PFKL: variants seen among roughly 807,000 people sequenced by gnomAD.
The protein encoded by PFKL is phosphofructokinase, liver type, also known as ATP-dependent 6-phosphofructokinase, liver type.
A neutral mutation model predicts 92.1 loss-of-function variants in PFKL; 74 were observed. The ratio of observed to expected loss-of-function variants is 0.80; its 90% CI spans 0.67 to 0.97. The LOEUF (loss-of-function observed/expected upper bound fraction) is 0.97, where lower values mean the gene tolerates loss of function less well. PFKL is among the 50% of genes least tolerant of loss of function. The probability of loss-of-function intolerance (pLI) is 0.00; values close to 1 mark genes in which losing one functional copy is unlikely to be tolerated. For missense variants in PFKL, 1,028 were observed against 1,116.6 expected (o/e 0.92, Z 1.13); for synonymous variants, 494 against 456.4 (o/e 1.08, Z -1.05).
chr21:44,314,305 G>A, intron 7 of PFKL: 1 of 432,458 alleles, frequency 2.3e-6, no homozygotes, highest in Non-Finnish European at 4.2e-6. Context: ...GCTTGGTGAG[G>A]CTGCTTACTG....
rs544026719 is a variant in PFKL at position 44,324,726 on chromosome 21, G to A, written c.1815+71G>A. 55 of 1,558,308 alleles carry A rather than the reference G, an allele frequency of 3.5e-5. No individual in the cohort carries two copies. The East Asian group carries it at 5.6e-4, about 16-fold the overall frequency. ...AGCCTGGGCCCCAGACACTCAGGCC[G>A]GCCAGCGCAGGGCAGGGCCCGGGCA... On this transcript the variant is annotated intron_variant, in intron 17 of 21. Coordinates refer to ENST00000349048, the MANE Select transcript of PFKL (RefSeq NM_002626.6).
intron 3 of PFKL, 129 bp downstream of exon 3, chr21:44,311,212 A>T: frequency 1.5e-6 from 1 of 679,848 alleles, no homozygotes; most frequent in Non-Finnish European, 2.5e-6. Context: ...AGACACACAG[A>T]CATGCACACA....
chr21:44,306,610 C>G (rs2040951573), intron 1 of PFKL, 71 bp from the exon 2 acceptor site: 1 of 1,382,252 alleles, frequency 7.2e-7, no homozygotes, highest in African/African-American at 1.6e-5. Flanking sequence ...CCCCTGTCCT[C>G]TGAGATGGGG....
chr21:44,318,438 G>T, intron 9 of PFKL, 32 bp from the exon 10 acceptor site: 1 of 1,464,616 alleles, frequency 6.8e-7, no homozygotes. Context: ...GAGGGACCAA[G>T]TGGGTGTGCC....
chr21:44,316,459 AC>A lies in PFKL; in HGVS notation c.874del (p.Arg292ValfsTer2). On this transcript the variant is annotated frameshift_variant, in exon 9 of 22. Coordinates refer to ENST00000349048, the MANE Select transcript of PFKL (RefSeq NM_002626.6). LOFTEE classifies it high-confidence loss of function. The stretch of plus-strand genomic sequence containing the variant: ...GGTGGTTCAGAGGCTGGGCTTCGAC[AC>A]CCGTGTAACTGTGCTGGGCCACGTG... ...DLVVQRLGFD[T>X]RVTVLGHVQR... 1 of 1,611,336 alleles carries A rather than the reference AC, an allele frequency of 6.2e-7. No homozygotes were observed. Among genetic ancestry groups the A allele is most frequent in the Non-Finnish European group, 8.5e-7 (1 of 1,178,730 alleles).
intron 1 of PFKL, among the ~76,000 whole-genome samples, chr21:44,300,483 G>A (rs1264572635): frequency 1.3e-5 from 2 of 152,194 alleles, no homozygotes; most frequent in Non-Finnish European, 2.9e-5. Context: ...ACCTCCCGAG[G>A]AGTCCCCGAG....
In PFKL at chr21:44,312,286, T is replaced by G. The variant is rs1330136051; in HGVS notation, c.419T>G (p.Val140Gly). 8.8e-6 allele frequency: 14 copies of G among 1,589,352 alleles called. No individual in the cohort carries two copies. The highest frequency in any genetic ancestry group is 1.1e-5 in the Non-Finnish European group (13 of 1,170,208). ...TGGGGCAGCCTGCTGGAGGAGCTGG[T>G]GGCGGAAGGTGGGTCTGTGCCCGGC... is the stretch of plus-strand genomic sequence containing the variant. ...SEWGSLLEEL[V>G]AEGKISETTA... The change falls in exon 4 of 22, where the codon GTG (valine) becomes GGG (glycine). Residue 140 changes from valine (V) to glycine (G), a missense_variant. Val to Gly is a moderately radical substitution (Grantham distance 109, BLOSUM62 -3). Coordinates refer to ENST00000349048, the MANE Select transcript of PFKL (RefSeq NM_002626.6).
intron 1 of PFKL, among the ~76,000 whole-genome samples, chr21:44,300,667 G>T (rs1337875032): frequency 6.6e-6 from 1 of 152,250 alleles, no homozygotes; most frequent in Non-Finnish European, 1.5e-5. Flanking sequence ...CTCCTCCTCG[G>T]GGCCCTCGCG....
chr21:44,325,961 G>C lies in PFKL; in HGVS notation c.1990G>C (p.Gly664Arg). Reference protein sequence around the residue: ...RTNVLGHLQQGGAPTPFDRNY... With the variant: ...RTNVLGHLQQRGAPTPFDRNY... ...GGAACCGGGCCTCACCTGTTTCCAG[G>C]GTGGCGCTCCAACCCCCTTTGACCG... Residue 664 changes from glycine to arginine, a missense_variant and splice_region_variant, in exon 20 of 22, where the codon GGT (glycine) becomes CGT (arginine). Physicochemically the swap from Gly to Arg is moderately radical, Grantham distance 125. Coordinates refer to ENST00000349048, the MANE Select transcript of PFKL (RefSeq NM_002626.6). 1.2e-6 allele frequency: 2 copies of C among 1,612,504 alleles called. No individual in the cohort carries two copies. The highest frequency in any genetic ancestry group is 1.7e-6 in the Non-Finnish European group (2 of 1,179,302).
At position 44,322,336 on chromosome 21, in the gene PFKL, C is replaced by T. The variant is rs1327977215; in HGVS notation, c.1409+133C>T. 4.9e-6 allele frequency: 4 copies of T among 813,344 alleles called. No individual in the cohort carries two copies. In the African/African-American group the frequency reaches 5.2e-5, roughly 10 times the overall value. 50.4% of individuals were successfully genotyped at this position (813,344 alleles called of 1,614,324 possible). A position where few individuals can be genotyped will look rare whatever the true frequency, so the allele number is the denominator to read the frequency against. ...CCCCTCTTCCTGCTGGTGGTCTGCC[C>T]AGAGCAGGCTTCACGCCTCCTGCCT... On this transcript the variant is annotated intron_variant, in intron 14 of 21. Coordinates refer to ENST00000349048, the MANE Select transcript of PFKL (RefSeq NM_002626.6).
intron 19 of PFKL, 161 bp downstream of exon 19, chr21:44,325,425 T>C: frequency 1.6e-6 from 1 of 607,974 alleles, no homozygotes; most frequent in South Asian, 1.9e-5. Flanking sequence ...GGCCTGTATC[T>C]AGGTGAGGTC....
At chr21:44,306,320 C>G (rs1037594001) in intron 1 of PFKL, among the ~76,000 whole-genome samples, 1 of 152,176 alleles carries the variant, frequency 6.6e-6, no homozygotes, top group Non-Finnish European at 1.5e-5. Context: ...CCCAGTTTAT[C>G]TCTGGGCACC....
chr21:44,300,726 GGCTGCCCGGGGCATTGA>G (rs57169694), intron 1 of PFKL, among the ~76,000 whole-genome samples: 52,475 of 151,974 alleles, frequency 0.35, 10,216 homozygotes, highest in African/African-American at 0.53. Flanking sequence ...TGGGGAGATG[GGCTGCCCGGGGCATTGA>G]GCAAAGCCCA....
intron 19 of PFKL, 155 bp from the exon 20 acceptor site, chr21:44,325,806 G>C (rs773832881): frequency 9.8e-6 from 6 of 611,748 alleles, no homozygotes; most frequent in African/African-American, 5.6e-5. Flanking sequence ...CAGGGTCCTC[G>C]ATCGGGAACA....
chr21:44,325,859 G>A (rs2047491742), intron 19 of PFKL, 102 bp from the exon 20 acceptor site: 3 of 769,406 alleles, frequency 3.9e-6, no homozygotes, highest in East Asian at 5.3e-5. Flanking sequence ...GTGTTCACAA[G>A]CTGCCTGGGA....
chr21:44,316,483 G>A lies in PFKL; in HGVS notation c.895G>A (p.Val299Met), dbSNP rs1332071501. 4 of 1,608,022 alleles carry A rather than the reference G, an allele frequency of 2.5e-6. No individual in the cohort carries two copies. The highest frequency in any genetic ancestry group is 2.6e-6 in the Non-Finnish European group (3 of 1,176,236). ...CACCCGTGTAACTGTGCTGGGCCACGTGCAGCGGGGAGGGACGCCCTCTGC... is the reference window on the plus strand; with the variant it reads ...CACCCGTGTAACTGTGCTGGGCCACATGCAGCGGGGAGGGACGCCCTCTGC... ...FDTRVTVLGH[V>M]QRGGTPSAFD... is the part of the protein sequence containing the mutation. Residue 299 changes from valine (V) to methionine (M), a missense_variant, in exon 9 of 22, where the codon GTG (valine) becomes ATG (methionine). Physicochemically the swap from Val to Met is conservative, Grantham distance 21. Coordinates refer to ENST00000349048, the MANE Select transcript of PFKL (RefSeq NM_002626.6).
intron 1 of PFKL, among the ~76,000 whole-genome samples, chr21:44,300,628 G>C (rs544180789): frequency 1.3e-5 from 2 of 152,340 alleles, no homozygotes; most frequent in Non-Finnish European, 1.5e-5. Flanking sequence ...TCCCGGCTGG[G>C]CGGGGGCGGA....
chr21:44,324,653 A>G lies in PFKL; in HGVS notation c.1813A>G (p.Lys605Glu), dbSNP rs1169656570. The G allele has an allele frequency of 2.5e-6, 4 of 1,586,608 alleles. No homozygotes were observed. Among genetic ancestry groups the G allele is most frequent in the Non-Finnish European group, 3.4e-6 (4 of 1,164,822 alleles). ...GGACCCTTTCAACATCCACGACTTA[A>G]AGGTGAGCCCAGCCCAGCCCCTGCT... ...FEDPFNIHDL[K>E]VNVEHMTEKM... The change falls in exon 17 of 22, where the codon AAG becomes GAG. Residue 605 changes from lysine to glutamate, a missense_variant and splice_region_variant. Lys to Glu is a moderately conservative substitution (Grantham distance 56). Transcript: ENST00000349048.
intron 1 of PFKL, among the ~76,000 whole-genome samples, chr21:44,303,444 A>AAAAAAAAAGACTTGATGGAAC (rs2040835580): frequency 6.7e-6 from 1 of 149,048 alleles, no homozygotes; most frequent in Non-Finnish European, 1.5e-5. Context: ...AAAAAAAAAA[A>AAAAAAAAAGACTTGATGGAAC]AAAAAAAAAA....
Sources: gnomAD v4.1 joint callset for allele counts (sites outside exome capture counted in the v4.1 genomes callset) on GRCh38, gnomAD v4.1.1 for gene constraint, MANE v1.5 for transcripts, NCBI Gene and HGNC (gene_info 2026-07-23, HGNC 2026-07-21) for gene names.